Variants in KCNH7 observed in about 807,000 individuals in gnomAD.
The protein encoded by KCNH7 is potassium voltage-gated channel subfamily H member 7.
KCNH7 carries 49 observed loss-of-function variants against 120.8 expected under a neutral mutation model. That is an observed-to-expected ratio of 0.41 (90% CI 0.32 to 0.51). The LOEUF is 0.51. KCNH7 is among the 20% of genes least tolerant of loss of function. The pLI, the probability that KCNH7 is intolerant of heterozygous loss-of-function variation, is 0.38. For missense variants in KCNH7, 1,097 were observed against 1,446.6 expected (o/e 0.76, Z 3.92); for synonymous variants, 547 against 516.1 (o/e 1.06, Z -0.81).
At chr2:162,807,079 G>A (rs1296010973) in intron 2 of KCNH7, among the ~76,000 whole-genome samples, 1 of 150,898 alleles carries the variant, frequency 6.6e-6, no homozygotes, top group African/African-American at 2.4e-5. Flanking sequence ...AAATGCAATC[G>A]ATGACCACTA....
intron 5 of KCNH7, among the ~76,000 whole-genome samples, chr2:162,507,661 C>A (rs2105761376): frequency 6.6e-6 from 1 of 151,686 alleles, no homozygotes; most frequent in South Asian, 2.1e-4. Context: ...CTGTGCAATT[C>A]ACTACTATTG....
intron 2 of KCNH7, among the ~76,000 whole-genome samples, chr2:162,589,229 G>T (rs190990816): frequency 3.9e-5 from 6 of 152,200 alleles, no homozygotes; most frequent in Admixed American, 2.6e-4. Flanking sequence ...TAAACCGTGT[G>T]AATCGGGAGA....
chr2:162,441,230 G>T (rs1227516389), intron 7 of KCNH7, among the ~76,000 whole-genome samples: 2 of 152,058 alleles, frequency 1.3e-5, no homozygotes, highest in African/African-American at 2.4e-5. Context: ...GTTCCTAAAA[G>T]TTGAACATGA....
intron 2 of KCNH7, among the ~76,000 whole-genome samples, chr2:162,622,440 A>G (rs1683397072): frequency 6.6e-6 from 1 of 152,168 alleles, no homozygotes; most frequent in Admixed American, 6.6e-5. Context: ...AAGTATCACT[A>G]AATAGGTCCT....
At chr2:162,755,280 C>T (rs1055898737) in intron 2 of KCNH7, among the ~76,000 whole-genome samples, 15 of 152,036 alleles carry the variant, frequency 9.9e-5, no homozygotes, top group Non-Finnish European at 2.1e-4. Context: ...ACCAGCCTGA[C>T]CAATATGGAG....
intron 6 of KCNH7, among the ~76,000 whole-genome samples, chr2:162,464,099 T>C (rs1689236064): frequency 6.6e-6 from 1 of 151,952 alleles, no homozygotes. Flanking sequence ...ATAAGTAATT[T>C]TAAACCAATG....
chr2:162,770,066 TTGGC>T (rs1559125354), intron 2 of KCNH7, among the ~76,000 whole-genome samples: 1 of 152,068 alleles, frequency 6.6e-6, no homozygotes, highest in Non-Finnish European at 1.5e-5. Context: ...AATGAAACAA[TTGGC>T]TGGTTTAATT....
chr2:162,571,248 A>G (rs1041511431), intron 2 of KCNH7, among the ~76,000 whole-genome samples: 1 of 152,132 alleles, frequency 6.6e-6, no homozygotes, highest in African/African-American at 2.4e-5. Context: ...TTATACACCA[A>G]CAACAGACAA....
rs538376917 is a variant in KCNH7, at chr2:162,435,136, A to G, written c.1954+62T>C. Reference sequence around the variant, plus strand: ...TTCTTTGCCTTACTCTAAATATTGTAGAAATATTAATTTCAAGGTATTATT... The same window carrying G: ...TTCTTTGCCTTACTCTAAATATTGTGGAAATATTAATTTCAAGGTATTATT... On this transcript the variant is annotated intron_variant, in intron 8 of 15. Coordinates refer to ENST00000332142, the MANE Select transcript of KCNH7 (RefSeq NM_033272.4). 22 of 1,417,558 alleles carry G rather than the reference A, an allele frequency of 1.6e-5. No homozygotes were observed. The Admixed American group carries it at 3.7e-4, about 24-fold the overall frequency. 87.8% of individuals were successfully genotyped at this position (1,417,558 alleles called of 1,614,324 possible).
At chr2:162,820,368 G>A (rs12613061) in intron 2 of KCNH7, among the ~76,000 whole-genome samples, 69,899 of 151,390 alleles carry the variant, frequency 0.46, 18,478 homozygotes, top group South Asian at 0.67. Flanking sequence ...GAGCCACCAC[G>A]CACAGCCTAT....
At chr2:162,750,012 T>C (rs1688484748) in intron 2 of KCNH7, among the ~76,000 whole-genome samples, 1 of 152,132 alleles carries the variant, frequency 6.6e-6, no homozygotes, top group Non-Finnish European at 1.5e-5. Flanking sequence ...AAACTTACAC[T>C]GGGGACTTAG....
At chr2:162,619,976 T>G (rs1251179889) in intron 2 of KCNH7, among the ~76,000 whole-genome samples, 2 of 151,848 alleles carry the variant, frequency 1.3e-5, no homozygotes, top group Non-Finnish European at 2.9e-5. Context: ...TAAATTATAA[T>G]GAAGAGCTAA....
intron 2 of KCNH7, among the ~76,000 whole-genome samples, chr2:162,821,387 T>G (rs1184387198): frequency 1.3e-5 from 2 of 152,242 alleles, no homozygotes; most frequent in African/African-American, 4.8e-5. Flanking sequence ...AGGTGCCATT[T>G]ATTCTTTAGA....
At chr2:162,716,726 G>A (rs902932265) in intron 2 of KCNH7, among the ~76,000 whole-genome samples, 1 of 152,098 alleles carries the variant, frequency 6.6e-6, no homozygotes, top group Non-Finnish European at 1.5e-5. Context: ...ATGTGAAGAA[G>A]GAGCACAAGT....
intron 12 of KCNH7, among the ~76,000 whole-genome samples, chr2:162,390,260 A>T (rs896730030): frequency 6.6e-6 from 1 of 150,956 alleles, no homozygotes; most frequent in Admixed American, 6.6e-5. Flanking sequence ...ATATACACAC[A>T]CACACACACA....
intron 6 of KCNH7, among the ~76,000 whole-genome samples, chr2:162,473,997 T>A (rs893794595): frequency 6.6e-6 from 1 of 152,180 alleles, no homozygotes; most frequent in African/African-American, 2.4e-5. Flanking sequence ...ATGAAATGGC[T>A]CAGATAAAAT....
intron 2 of KCNH7, among the ~76,000 whole-genome samples, chr2:162,756,409 C>A (rs1281250673): frequency 6.6e-6 from 1 of 152,086 alleles, no homozygotes; most frequent in Non-Finnish European, 1.5e-5. Flanking sequence ...ACACTTCTCC[C>A]AATTATTTTA....
At chr2:162,730,091 AG>A (rs1687673808) in intron 2 of KCNH7, among the ~76,000 whole-genome samples, 1 of 151,910 alleles carries the variant, frequency 6.6e-6, no homozygotes, top group Admixed American at 6.6e-5. Context: ...TAAAAAAAAA[AG>A]AATGGTTTAA....
At chr2:162,502,763 T>G (rs1235130983) in intron 6 of KCNH7, among the ~76,000 whole-genome samples, 1 of 152,054 alleles carries the variant, frequency 6.6e-6, no homozygotes, top group Non-Finnish European at 1.5e-5. Flanking sequence ...CAGGTGCTTC[T>G]CAGATCTCTG....
Sources: allele counts gnomAD v4.1 joint callset (sites outside exome capture counted in the v4.1 genomes callset), GRCh38; gene constraint gnomAD v4.1.1; transcripts MANE v1.5; gene names NCBI Gene and HGNC (gene_info 2026-07-23, HGNC 2026-07-21).